PCDHA3: variants seen among roughly 807,000 people sequenced by gnomAD.
PCDHA3 encodes protocadherin alpha-3.
In PCDHA3, 41 loss-of-function variants were observed where a neutral mutation model predicts 62.2. That is an observed-to-expected ratio of 0.66 (90% CI 0.51 to 0.86). PCDHA3 has a LOEUF of 0.86. Among genes scored for constraint, PCDHA3 ranks in the 40% least tolerant of loss-of-function variants. The pLI is 0.00. For missense variants in PCDHA3, 1,304 were observed against 1,241.2 expected (o/e 1.05, Z -0.76); for synonymous variants, 640 against 555.4 (o/e 1.15, Z -2.14).
At chr5:140,907,857 G>C (rs1554193158) in intron 1 of PCDHA3, among the ~76,000 whole-genome samples, 1 of 152,210 alleles carries the variant, frequency 6.6e-6, no homozygotes, top group Non-Finnish European at 1.5e-5. Flanking sequence ...CTCTGCTGAG[G>C]CCAGCCGTTG....
In PCDHA3 at chr5:140,947,881, A is replaced by G. The variant is rs191017624; in HGVS notation, c.2395-31068A>G. On this transcript the variant is annotated intron_variant, in intron 1 of 3. Transcript: ENST00000522353. ...TATAATGGCTAGGACTTCCAGGACA[A>G]TATAAACAGAAGTGGTGAGAGCAGA... 2.7e-3 allele frequency among the ~76,000 whole-genome samples: 417 copies of G among 151,684 alleles called. 2 individuals carry two copies. Among genetic ancestry groups the G allele is most frequent in the Middle Eastern group, 0.014 (4 of 294 alleles).
chr5:140,972,661 T>C, intron 1 of PCDHA3, among the ~76,000 whole-genome samples: 1 of 48,668 alleles, frequency 2.1e-5, no homozygotes, highest in South Asian at 6.9e-4. Flanking sequence ...AGAAACCAAA[T>C]TTTTTTTTTT....
chr5:140,851,112 C>A lies in PCDHA3; in HGVS notation c.2394+47521C>A. On this transcript the variant is annotated intron_variant, in intron 1 of 3. Coordinates refer to ENST00000522353, the MANE Select transcript of PCDHA3 (RefSeq NM_018906.3). ...AATAGATATTTTTTGGGTGCTGAAT[C>A]AATTTTATTTAAATTTGTGATTAAA... The A allele has an allele frequency of 5.4e-6, 7 of 1,301,380 alleles. 1 individual carries two copies. The highest frequency in any genetic ancestry group is 7.0e-6 in the Non-Finnish European group (7 of 1,004,338). 80.6% of individuals were successfully genotyped at this position (1,301,380 alleles called of 1,614,324 possible). A position where few individuals can be genotyped will look rare whatever the true frequency, so the allele number is the denominator to read the frequency against.
chr5:140,851,444 A>G (rs1182271875), intron 1 of PCDHA3: 1 of 917,790 alleles, frequency 1.1e-6, no homozygotes, highest in Non-Finnish European at 1.3e-6. Context: ...CAGTTGCTCC[A>G]CTTTAGGAAT....
intron 1 of PCDHA3, chr5:140,882,201 CT>C: frequency 6.5e-7 from 1 of 1,528,460 alleles, no homozygotes; most frequent in South Asian, 1.3e-5. Context: ...AAAATTGGGC[CT>C]TGAGAGACAG....
In PCDHA3 at chr5:141,011,694, G is replaced by A. The variant is rs1473857552; in HGVS notation, c.*1757G>A. 1.3e-5 allele frequency: 2 copies of A among 153,662 alleles called. No individual in the cohort carries two copies. Among genetic ancestry groups the A allele is most frequent in the African/African-American group, 4.8e-5 (2 of 41,412 alleles). The allele number at this position is 153,662 out of a possible 1,614,324, so 9.5% of individuals were successfully genotyped here. On this transcript the variant is annotated 3_prime_UTR_variant, in exon 4 of 4. Coordinates refer to ENST00000522353, the MANE Select transcript of PCDHA3 (RefSeq NM_018906.3). The stretch of plus-strand genomic sequence containing the variant: ...CTGTTTTGTTCTAGTAACAATTTTG[G>A]AATGAATACTGACAATATTCCATGA...
chr5:140,806,972 T>G (rs1763823981), intron 1 of PCDHA3: 1 of 617,724 alleles, frequency 1.6e-6, no homozygotes, highest in Non-Finnish European at 2.8e-6. Flanking sequence ...AATTGCTACT[T>G]ACGGTTTGGA....
chr5:140,884,240 G>A (rs139927854), intron 1 of PCDHA3: 5 of 1,613,368 alleles, frequency 3.1e-6, no homozygotes, highest in African/African-American at 1.3e-5. Context: ...CGGTGAGCCC[G>A]CGCTGACGGC....
At position 140,808,624 on chromosome 5, in the gene PCDHA3, G is replaced by C. The variant is rs539723301; in HGVS notation, c.2394+5033G>C. 1.2e-5 allele frequency: 20 copies of C among 1,613,680 alleles called. No homozygotes were observed. In the East Asian group the frequency reaches 2.0e-4, roughly 16 times the overall value. On this transcript the variant is annotated intron_variant, in intron 1 of 3. Coordinates refer to ENST00000522353, the MANE Select transcript of PCDHA3 (RefSeq NM_018906.3). ...GCTGCCACATCTTCACTGTGTCTGCGTGGGACGCGGACGCGCAGGAGAACG... is the reference window on the plus strand; with the variant it reads ...GCTGCCACATCTTCACTGTGTCTGCCTGGGACGCGGACGCGCAGGAGAACG...
At chr5:140,862,662 C>A (rs1365074780) in intron 1 of PCDHA3, 3 of 546,742 alleles carry the variant, frequency 5.5e-6, no homozygotes, top group South Asian at 1.4e-5. Flanking sequence ...GGGACCGGGA[C>A]GCGCAGGAGA....
intron 1 of PCDHA3, chr5:140,862,002 T>C (rs1430406580): frequency 6.4e-6 from 1 of 155,594 alleles, no homozygotes; most frequent in Non-Finnish European, 1.4e-5. Context: ...CACTGGTTAT[T>C]AGACTTAACC....
rs140124026 is a variant in PCDHA3, at chr5:140,973,683, C to T, written c.2395-5266C>T. On this transcript the variant is annotated intron_variant, in intron 1 of 3. Coordinates refer to ENST00000522353, the MANE Select transcript of PCDHA3 (RefSeq NM_018906.3). ...TTTATTGTAGCTTGAATGTCATTGG[C>T]CTACTGTTTCCTTCTGACCCAGGAG... is the stretch of plus-strand genomic sequence containing the variant. Among the ~76,000 whole-genome samples, 5 of 152,316 alleles carry T rather than the reference C, an allele frequency of 3.3e-5. No homozygotes were observed. The East Asian group carries it at 7.7e-4, about 24-fold the overall frequency.
intron 1 of PCDHA3, chr5:140,809,460 T>G (rs1554125221): frequency 6.2e-7 from 1 of 1,614,008 alleles, no homozygotes; most frequent in African/African-American, 1.3e-5. Flanking sequence ...AGGCCGAGGG[T>G]GTGCTCTGGT....
intron 1 of PCDHA3, chr5:140,969,555 C>A: frequency 1.6e-6 from 2 of 1,213,380 alleles, no homozygotes; most frequent in Non-Finnish European, 2.2e-6. Flanking sequence ...GAAGCCTTGT[C>A]CATAAAATTG....
intron 1 of PCDHA3, among the ~76,000 whole-genome samples, chr5:140,935,777 T>C (rs1306193430): frequency 6.6e-6 from 1 of 152,190 alleles, no homozygotes; most frequent in African/African-American, 2.4e-5. Flanking sequence ...TTTGAGTTTT[T>C]TCACTTAAAA....
At chr5:140,850,010 G>C in intron 1 of PCDHA3, 1 of 1,597,002 alleles carries the variant, frequency 6.3e-7, no homozygotes. Flanking sequence ...GCTCGCTGTC[G>C]AGCTACGTGT....
At chr5:140,866,161 G>A (rs782713244) in intron 1 of PCDHA3, 17 of 152,170 alleles carry the variant, frequency 1.1e-4, no homozygotes, top group East Asian at 1.9e-4. Context: ...AGTAAGAATC[G>A]TTTAACATGT....
Position 140,849,726 on chromosome 5 carries a change from A to G in PCDHA3, c.2394+46135A>G, listed in dbSNP as rs1554143227. 2.5e-6 allele frequency: 4 copies of G among 1,598,410 alleles called. 1 individual carries two copies. Among genetic ancestry groups the G allele is most frequent in the Non-Finnish European group, 3.4e-6 (4 of 1,168,000 alleles). On this transcript the variant is annotated intron_variant, in intron 1 of 3. Transcript: ENST00000522353. ...GAATTACTACTCGTTGGTGCTGGAC[A>G]GAGCTCTGGACCGCGAGAGTGTGTC...
At chr5:140,951,047 A>T (rs2094543631) in intron 1 of PCDHA3, among the ~76,000 whole-genome samples, 1 of 151,878 alleles carries the variant, frequency 6.6e-6, no homozygotes, top group Non-Finnish European at 1.5e-5. Flanking sequence ...TTATATTTTT[A>T]TTGCTAAAAT....
Sources: allele counts gnomAD v4.1 joint callset (sites outside exome capture counted in the v4.1 genomes callset), GRCh38; gene constraint gnomAD v4.1.1; transcripts MANE v1.5; gene names NCBI Gene and HGNC (gene_info 2026-07-23, HGNC 2026-07-21).